The following NRXN1 variants were observed in gnomAD, a reference collection of about 807,000 sequenced individuals.
NRXN1 encodes neurexin 1, also known as neurexin-1.
In NRXN1, 39 loss-of-function variants were observed where a neutral mutation model predicts 150.9. That is an observed-to-expected ratio of 0.26 (90% CI 0.20 to 0.34). The LOEUF is 0.34. NRXN1 is among the 10% of genes least tolerant of loss of function. The pLI, the probability that NRXN1 is intolerant of heterozygous loss-of-function variation, is 1.00. For synonymous variants in NRXN1, 924 were observed against 757.0 expected, an observed-to-expected ratio of 1.22 and a Z score of -3.62; for missense variants, 1,815 against 1,949.9, an observed-to-expected ratio of 0.93 and a Z score of 1.30.
intron 9 of NRXN1, among the ~76,000 whole-genome samples, chr2:50,541,507 G>T (rs2093387968): frequency 6.6e-6 from 1 of 152,092 alleles, no homozygotes; most frequent in South Asian, 2.1e-4. Context: ...TTTTATTTAT[G>T]GTGTGTTAGT....
Position 50,920,457 on chromosome 2 carries a change from G to A in NRXN1, c.832+1412C>T, listed in dbSNP as rs536738345. Among the ~76,000 whole-genome samples the A allele has an allele frequency of 4.3e-4, 65 of 151,596 alleles. 1 individual carries two copies. The South Asian group carries it at 0.011, about 26-fold the overall frequency. ...CTTTTTCACAAAATAACAAATATAC[G>A]AGTGTATATACTTAGAAATTGTGTA... On this transcript the variant is annotated intron_variant, in intron 5 of 22. Transcript: ENST00000401669.
Position 51,008,033 on chromosome 2 carries a change from T to C in NRXN1, c.772+19469A>G, listed in dbSNP as rs192283150. ...AATAGTAGAAAACAATAAACCTGTTTTGTATGCTGAGATTTGCCTACAGTC... is the reference window on the plus strand; with the variant it reads ...AATAGTAGAAAACAATAAACCTGTTCTGTATGCTGAGATTTGCCTACAGTC... On this transcript the variant is annotated intron_variant, in intron 2 of 22. Transcript: ENST00000401669. Among the ~76,000 whole-genome samples, 279 of 152,026 alleles carry C rather than the reference T, an allele frequency of 1.8e-3. 4 individuals carry two copies. Among genetic ancestry groups the C allele is most frequent in the Non-Finnish European group, 1.2e-3 (83 of 67,892 alleles).
intron 21 of NRXN1, among the ~76,000 whole-genome samples, chr2:49,992,131 C>A (rs113192354): frequency 6.6e-6 from 1 of 152,026 alleles, no homozygotes; most frequent in South Asian, 2.1e-4. Context: ...TCTTAGAAGA[C>A]GACACAGGAG....
chr2:50,988,468 A>C (rs967344730), intron 2 of NRXN1, among the ~76,000 whole-genome samples: 2 of 151,962 alleles, frequency 1.3e-5, no homozygotes, highest in African/African-American at 4.8e-5. Context: ...TTGGAAAATC[A>C]AACGAGAATG....
At chr2:50,871,994 T>C (rs976115102) in intron 5 of NRXN1, among the ~76,000 whole-genome samples, 3 of 151,804 alleles carry the variant, frequency 2.0e-5, no homozygotes, top group Non-Finnish European at 4.4e-5. Flanking sequence ...ATTTTCCCTG[T>C]AGAGAATTTG....
At chr2:50,122,640 C>T (rs1242094343) in intron 18 of NRXN1, among the ~76,000 whole-genome samples, 2 of 152,234 alleles carry the variant, frequency 1.3e-5, no homozygotes, top group African/African-American at 4.8e-5. Context: ...TCAGTGTGTT[C>T]CATAACCCTT....
intron 18 of NRXN1, among the ~76,000 whole-genome samples, chr2:50,224,085 G>C (rs1410991295): frequency 6.6e-6 from 1 of 151,866 alleles, no homozygotes. Flanking sequence ...TTCACCTTGA[G>C]GGTCACAGAA....
intron 5 of NRXN1, among the ~76,000 whole-genome samples, chr2:50,774,413 A>G (rs982885610): frequency 2.6e-5 from 4 of 152,136 alleles, no homozygotes; most frequent in African/African-American, 9.7e-5. Flanking sequence ...TTTAACCTAC[A>G]TTCCCTAAAA....
At chr2:49,965,570 G>C (rs533004688) in intron 21 of NRXN1, among the ~76,000 whole-genome samples, 1 of 152,124 alleles carries the variant, frequency 6.6e-6, no homozygotes, top group South Asian at 2.1e-4. Context: ...GCCCAGCCTA[G>C]GTTTTTATAT....
intron 17 of NRXN1, among the ~76,000 whole-genome samples, chr2:50,308,465 C>T (rs969421357): frequency 6.6e-6 from 1 of 151,934 alleles, no homozygotes; most frequent in African/African-American, 2.4e-5. Context: ...GCAACTAGGA[C>T]TACAGGCACA....
At chr2:50,355,900 C>T (rs2078775730) in intron 17 of NRXN1, among the ~76,000 whole-genome samples, 1 of 151,962 alleles carries the variant, frequency 6.6e-6, no homozygotes, top group Admixed American at 6.6e-5. Context: ...TTCAACTTAC[C>T]CTTATAGGTT....
At chr2:50,515,945 T>C (rs1371115089) in intron 12 of NRXN1, among the ~76,000 whole-genome samples, 1 of 152,130 alleles carries the variant, frequency 6.6e-6, no homozygotes, top group Non-Finnish European at 1.5e-5. Flanking sequence ...CTATTTGACT[T>C]TCCCATTACT....
intron 17 of NRXN1, among the ~76,000 whole-genome samples, chr2:50,292,826 G>T (rs2073095866): frequency 6.6e-6 from 1 of 151,982 alleles, no homozygotes; most frequent in Non-Finnish European, 1.5e-5. Flanking sequence ...TCTCAATAAT[G>T]CCAAATCTTG....
chr2:50,870,864 C>G (rs1479110731), intron 5 of NRXN1, among the ~76,000 whole-genome samples: 1 of 151,774 alleles, frequency 6.6e-6, no homozygotes, highest in Non-Finnish European at 1.5e-5. Context: ...GTGGTTAGGA[C>G]CTATGTCTTG....
rs1574631316 is a variant in NRXN1, at chr2:50,830,016, A to G, written c.832+91853T>C. 6.1e-5 allele frequency among the ~76,000 whole-genome samples: 9 copies of G among 148,716 alleles called. 1 individual carries two copies. In the South Asian group the frequency reaches 1.7e-3, roughly 28 times the overall value. On this transcript the variant is annotated intron_variant, in intron 5 of 22. Transcript: ENST00000401669. The stretch of plus-strand genomic sequence containing the variant: ...GCCTGCTGGAAAAAAAAAAAAAAAA[A>G]AAAAAAAAAAAAAAGCTCATTTCTT...
intron 17 of NRXN1, among the ~76,000 whole-genome samples, chr2:50,248,500 C>G (rs1407920729): frequency 6.6e-6 from 1 of 152,164 alleles, no homozygotes; most frequent in Middle Eastern, 3.4e-3. Flanking sequence ...ACGCAGAGCT[C>G]TTTGTAAATA....
At chr2:50,681,447 C>T (rs1690394941) in intron 5 of NRXN1, among the ~76,000 whole-genome samples, 1 of 152,098 alleles carries the variant, frequency 6.6e-6, no homozygotes, top group Admixed American at 6.6e-5. Flanking sequence ...CTGAGTAGCC[C>T]ATTCTGTCTT....
chr2:50,883,949 T>C (rs1229999788), intron 5 of NRXN1, among the ~76,000 whole-genome samples: 1 of 151,806 alleles, frequency 6.6e-6, no homozygotes, highest in Admixed American at 6.6e-5. Flanking sequence ...AGCACCAGGA[T>C]GGCATGCTTC....
intron 21 of NRXN1, among the ~76,000 whole-genome samples, chr2:50,007,040 T>C (rs1684881666): frequency 6.6e-6 from 1 of 152,012 alleles, no homozygotes; most frequent in Non-Finnish European, 1.5e-5. Context: ...AAGTGTAAGT[T>C]TCTGTGCTAT....
Sources: gnomAD v4.1 joint callset for allele counts (sites outside exome capture counted in the v4.1 genomes callset) on GRCh38, gnomAD v4.1.1 for gene constraint, MANE v1.5 for transcripts, NCBI Gene and HGNC (gene_info 2026-07-23, HGNC 2026-07-21) for gene names.